QTMAN: variants seen among roughly 807,000 people sequenced by gnomAD.
QTMAN encodes the protein queuosine-tRNA mannosyltransferase.
chr2:144,169,694 A>G, the QTMAN span, among the ~76,000 whole-genome samples: 1 of 151,992 alleles, frequency 6.6e-6, no homozygotes, highest in African/African-American at 2.4e-5. Flanking sequence ...TATATTGTGT[A>G]TGTACATTTT....
the QTMAN span, among the ~76,000 whole-genome samples, chr2:144,296,757 C>T: frequency 3.9e-5 from 6 of 152,030 alleles, no homozygotes; most frequent in African/African-American, 1.5e-4. Context: ...TAATTTTGGT[C>T]CCAACATGAA....
chr2:143,999,752 G>A, the QTMAN span, among the ~76,000 whole-genome samples: 1 of 152,108 alleles, frequency 6.6e-6, no homozygotes, highest in African/African-American at 2.4e-5. Flanking sequence ...TGTGGGTCCT[G>A]AGCAGTTGAA....
the QTMAN span, among the ~76,000 whole-genome samples, chr2:144,194,347 G>C: frequency 6.0e-4 from 91 of 152,276 alleles, no homozygotes; most frequent in African/African-American, 2.1e-3. Flanking sequence ...AAGGTGAGTG[G>C]CTGAATTGGG....
At chr2:144,329,520 A>G in the QTMAN span, among the ~76,000 whole-genome samples, 2 of 152,220 alleles carry the variant, frequency 1.3e-5, no homozygotes, top group African/African-American at 4.8e-5. Flanking sequence ...GCCTATGGTA[A>G]CAGTCAGAGG....
chr2:144,203,428 T>C, the QTMAN span, among the ~76,000 whole-genome samples: 31 of 152,238 alleles, frequency 2.0e-4, 1 homozygote, highest in Non-Finnish European at 2.4e-4. Flanking sequence ...GAAGAAGCCC[T>C]AAGGGCCATG....
the QTMAN span, among the ~76,000 whole-genome samples, chr2:143,981,827 G>A: frequency 1.3e-5 from 2 of 151,890 alleles, no homozygotes; most frequent in Non-Finnish European, 2.9e-5. Flanking sequence ...TGTTCTTGTT[G>A]CTACATATGT....
At chr2:144,123,285 G>A in the QTMAN span, among the ~76,000 whole-genome samples, 5 of 151,958 alleles carry the variant, frequency 3.3e-5, no homozygotes, top group Admixed American at 6.6e-5. Flanking sequence ...CTGTCATAAA[G>A]GTACAGTAAT....
At chr2:144,135,187 G>A in the QTMAN span, among the ~76,000 whole-genome samples, 5 of 152,270 alleles carry the variant, frequency 3.3e-5, no homozygotes, top group Admixed American at 3.3e-4. Flanking sequence ...TTTGTTGGAA[G>A]TGAAGACAAT....
the QTMAN span, among the ~76,000 whole-genome samples, chr2:144,277,782 T>C: frequency 2.0e-5 from 3 of 152,122 alleles, no homozygotes; most frequent in East Asian, 5.8e-4. Context: ...GCTAAATCAA[T>C]ATGTCTCATG....
chr2:144,309,591 G>A, the QTMAN span, among the ~76,000 whole-genome samples: 1 of 152,172 alleles, frequency 6.6e-6, no homozygotes, highest in Non-Finnish European at 1.5e-5. Flanking sequence ...TAGTTGCCTG[G>A]AGATGAGAAT....
chr2:143,963,100 C>T, the QTMAN span, among the ~76,000 whole-genome samples: 26 of 151,972 alleles, frequency 1.7e-4, no homozygotes, highest in Non-Finnish European at 4.4e-5. Context: ...AGCTGTGTGA[C>T]CTCAGGCAAG....
the QTMAN span, among the ~76,000 whole-genome samples, chr2:144,240,241 A>G: frequency 1.3e-5 from 2 of 152,224 alleles, no homozygotes; most frequent in Non-Finnish European, 2.9e-5. Context: ...GTGATAGGCA[A>G]TGATAACCTT....
At chr2:144,133,229 ATT>A in the QTMAN span, among the ~76,000 whole-genome samples, 16 of 67,120 alleles carry the variant, frequency 2.4e-4, no homozygotes, top group South Asian at 5.6e-3. Flanking sequence ...ATAAATATAT[ATT>A]TATATTTATA....
chr2:144,038,160 T>TA, the QTMAN span, among the ~76,000 whole-genome samples: 22 of 152,222 alleles, frequency 1.4e-4, no homozygotes, highest in African/African-American at 3.9e-4. Context: ...TTTTCCCTGA[T>TA]AAAAAAAATT....
At chr2:144,327,042 G>A in the QTMAN span, among the ~76,000 whole-genome samples, 1 of 152,164 alleles carries the variant, frequency 6.6e-6, no homozygotes, top group African/African-American at 2.4e-5. Context: ...ACCTTCTCCT[G>A]CCCCAAGACA....
At chr2:143,939,718 C>G in the QTMAN span, 1 of 152,172 alleles carries the variant, frequency 6.6e-6, no homozygotes, top group Non-Finnish European at 1.5e-5. Flanking sequence ...CAACTTCAGA[C>G]ACCCGAGGAA....
chr2:144,257,971 T>C, the QTMAN span, among the ~76,000 whole-genome samples: 1 of 151,808 alleles, frequency 6.6e-6, no homozygotes, highest in Non-Finnish European at 1.5e-5. Context: ...ATGAAATATC[T>C]AAGAAAAGAT....
chr2:144,330,955 T>C, the QTMAN span, among the ~76,000 whole-genome samples: 1 of 152,218 alleles, frequency 6.6e-6, no homozygotes, highest in Non-Finnish European at 1.5e-5. Context: ...AATTTTCAAA[T>C]CAAGACTAAA....
chr2:144,287,546 AG>A, the QTMAN span, among the ~76,000 whole-genome samples: 1 of 152,104 alleles, frequency 6.6e-6, no homozygotes, highest in Non-Finnish European at 1.5e-5. Flanking sequence ...TAAAGATTAG[AG>A]GAAAAAAACA....
Sources: allele counts gnomAD v4.1 joint callset (sites outside exome capture counted in the v4.1 genomes callset), GRCh38; gene constraint gnomAD v4.1.1; transcripts MANE v1.5; gene names NCBI Gene and HGNC (gene_info 2026-07-23, HGNC 2026-07-21).